The following SRGAP2C variants were observed in gnomAD, a reference collection of about 807,000 sequenced individuals.
SRGAP2C encodes SLIT-ROBO Rho GTPase activating protein 2C, also known as SLIT-ROBO Rho GTPase-activating protein 2C.
SRGAP2C carries 15 observed loss-of-function variants against 25.1 expected under a neutral mutation model. The observed-to-expected ratio is 0.60, with a 90% CI of 0.40 to 0.92. SRGAP2C has a LOEUF of 0.92. Ranked by LOEUF, SRGAP2C falls within the 40% of genes least tolerant of loss-of-function variation. SRGAP2C has a pLI of 0.00. For synonymous variants in SRGAP2C, 44 were observed against 96.6 expected (o/e 0.46, Z 3.19); for missense variants, 144 against 264.4 (o/e 0.54, Z 3.16).
chr1:121,266,474 G>A (rs1163463426), intron 2 of SRGAP2C, among the ~76,000 whole-genome samples: 2 of 151,808 alleles, frequency 1.3e-5, no homozygotes, highest in African/African-American at 2.4e-5. Flanking sequence ...TATATCTGAG[G>A]CTCTAAACTG....
chr1:121,385,118 C>A (rs1405280356), intron 8 of SRGAP2C, among the ~76,000 whole-genome samples: 5 of 149,956 alleles, frequency 3.3e-5, no homozygotes, highest in Non-Finnish European at 7.4e-5. Flanking sequence ...ATTGTGGAGG[C>A]AACAGGAGGG....
At chr1:121,370,403 A>G (rs1553350677) in intron 5 of SRGAP2C, among the ~76,000 whole-genome samples, 1 of 142,892 alleles carries the variant, frequency 7.0e-6, no homozygotes, top group East Asian at 2.1e-4. Flanking sequence ...CTACAATGGG[A>G]GAGGGGATCT....
At chr1:121,272,526 A>T (rs879950733) in intron 2 of SRGAP2C, among the ~76,000 whole-genome samples, 54 of 151,978 alleles carry the variant, frequency 3.6e-4, no homozygotes, top group Middle Eastern at 6.8e-3. Flanking sequence ...CCCAACACAT[A>T]CACCTAAACA....
rs1660016200 is a variant in SRGAP2C at position 121,389,208 on chromosome 1, T to C, written c.*1353T>C. 2 of 152,000 alleles carry C rather than the reference T, an allele frequency of 1.3e-5. No homozygotes were observed. Among genetic ancestry groups the C allele is most frequent in the African/African-American group, 4.8e-5 (2 of 41,408 alleles). 9.4% of individuals were successfully genotyped at this position (152,000 alleles called of 1,614,324 possible). ...AAAAATAACAGAATGGCATTTTAGCTCATTCATTGATTTTTATAAAATATT... is the reference window on the plus strand; with the variant it reads ...AAAAATAACAGAATGGCATTTTAGCCCATTCATTGATTTTTATAAAATATT... On this transcript the variant is annotated 3_prime_UTR_variant, in exon 10 of 10. Coordinates refer to ENST00000367123, the MANE Select transcript of SRGAP2C (RefSeq NM_001329984.2).
chr1:121,352,954 G>A (rs1338176508), intron 4 of SRGAP2C, among the ~76,000 whole-genome samples: 1 of 148,434 alleles, frequency 6.7e-6, no homozygotes, highest in Non-Finnish European at 1.5e-5. Context: ...GCCAGGCATA[G>A]TGGCGGGCAC....
Position 121,308,345 on chromosome 1 carries a change from A to G in SRGAP2C, c.261-16133A>G, listed in dbSNP as rs1189596026. ...AAGTCCCTTCTAGCTCTGAAATTCC[A>G]TGATTCTATTTTTGTACACTCTGGC... On this transcript the variant is annotated intron_variant, in intron 3 of 9. Coordinates refer to ENST00000367123, the MANE Select transcript of SRGAP2C (RefSeq NM_001329984.2). Among the ~76,000 whole-genome samples the G allele has an allele frequency of 9.3e-5, 14 of 150,770 alleles. No individual in the cohort carries two copies. In the East Asian group the frequency reaches 1.8e-3, roughly 19 times the overall value.
At chr1:121,288,522 C>T (rs1321006740) in intron 3 of SRGAP2C, among the ~76,000 whole-genome samples, 1 of 65,696 alleles carries the variant, frequency 1.5e-5, no homozygotes, top group Non-Finnish European at 2.9e-5. Flanking sequence ...TTCAGAGTGC[C>T]GATTGGTGTA....
chr1:121,328,244 G>A (rs1368166279), intron 4 of SRGAP2C, among the ~76,000 whole-genome samples: 1 of 151,722 alleles, frequency 6.6e-6, no homozygotes, highest in East Asian at 1.9e-4. Flanking sequence ...CAGTAAATTT[G>A]GTTCCAGTGG....
chr1:121,328,086 G>C (rs1658353517), intron 4 of SRGAP2C, among the ~76,000 whole-genome samples: 2 of 151,980 alleles, frequency 1.3e-5, no homozygotes, highest in Non-Finnish European at 2.9e-5. Context: ...AAACAAAAGT[G>C]GATATAGGTG....
intron 2 of SRGAP2C, among the ~76,000 whole-genome samples, chr1:121,234,786 C>T (rs587601239): frequency 8.8e-5 from 13 of 148,394 alleles, no homozygotes; most frequent in Admixed American, 2.0e-4. Context: ...TCTTTGCTAG[C>T]CTTTGTGAAA....
rs1342583473 is a variant in SRGAP2C, at chr1:121,367,890, C to T, written c.486+2535C>T. Among the ~76,000 whole-genome samples the T allele has an allele frequency of 1.1e-4, 16 of 142,088 alleles. 1 individual carries two copies. The highest frequency in any genetic ancestry group is 3.2e-4 in the African/African-American group (12 of 37,228). The allele number at this position is 142,088 out of a possible 152,430, so 93.2% of individuals were successfully genotyped here. ...GAGATCGAGACCATCCTGGCTAACACGGTGAAACTCTGTCTCTACTAAAAA... is the reference window on the plus strand; with the variant it reads ...GAGATCGAGACCATCCTGGCTAACATGGTGAAACTCTGTCTCTACTAAAAA... On this transcript the variant is annotated intron_variant, in intron 5 of 9. Transcript: ENST00000367123.
intron 2 of SRGAP2C, among the ~76,000 whole-genome samples, chr1:121,207,866 C>T (rs1420995395): frequency 2.0e-5 from 3 of 152,036 alleles, no homozygotes; most frequent in South Asian, 4.1e-4. Flanking sequence ...TTTATAAATT[C>T]TTTCTGTGTA....
chr1:121,230,787 A>G (rs1340663032), intron 2 of SRGAP2C, among the ~76,000 whole-genome samples: 3 of 152,056 alleles, frequency 2.0e-5, no homozygotes, highest in African/African-American at 7.2e-5. Context: ...AACCAACCCA[A>G]ATGCCCATCA....
intron 3 of SRGAP2C, among the ~76,000 whole-genome samples, chr1:121,308,550 A>G (rs1396793559): frequency 6.7e-6 from 1 of 150,050 alleles, no homozygotes; most frequent in African/African-American, 2.4e-5. Flanking sequence ...CTGAGGTGGG[A>G]GGATTGCTTG....
intron 2 of SRGAP2C, among the ~76,000 whole-genome samples, chr1:121,225,917 C>T: frequency 7.0e-6 from 1 of 143,252 alleles, no homozygotes; most frequent in Admixed American, 7.0e-5. Context: ...GTTGGCCAGG[C>T]TGGTCTCAAA....
chr1:121,371,054 A>G (rs1227474398), intron 5 of SRGAP2C, among the ~76,000 whole-genome samples: 4 of 152,244 alleles, frequency 2.6e-5, no homozygotes, highest in South Asian at 2.1e-4. Context: ...TTTTCAAAGT[A>G]AAGTGGAATA....
At chr1:121,248,201 AG>A (rs1199215594) in intron 2 of SRGAP2C, among the ~76,000 whole-genome samples, 1 of 149,418 alleles carries the variant, frequency 6.7e-6, no homozygotes, top group Non-Finnish European at 1.5e-5. Flanking sequence ...TCTTCATTGG[AG>A]GTCTTCTTCT....
At chr1:121,297,018 TCA>T (rs1284587569) in intron 3 of SRGAP2C, among the ~76,000 whole-genome samples, 2 of 151,690 alleles carry the variant, frequency 1.3e-5, no homozygotes, top group Admixed American at 6.6e-5. Context: ...AGTGCGTCAC[TCA>T]CTCATTTTGG....
chr1:121,359,959 C>A (rs587768839), intron 4 of SRGAP2C, among the ~76,000 whole-genome samples: 16 of 150,682 alleles, frequency 1.1e-4, no homozygotes, highest in Non-Finnish European at 2.2e-4. Context: ...CACCAATCAG[C>A]GCTCTGTGTC....
Sources: allele counts gnomAD v4.1 joint callset (sites outside exome capture counted in the v4.1 genomes callset), GRCh38; gene constraint gnomAD v4.1.1; transcripts MANE v1.5; gene names NCBI Gene and HGNC (gene_info 2026-07-23, HGNC 2026-07-21).